The following PACRG variants were observed in gnomAD, a reference collection of about 807,000 sequenced individuals.
PACRG encodes parkin coregulated.
A neutral mutation model predicts 29.7 loss-of-function variants in PACRG; 29 were observed. The observed-to-expected ratio is 0.98, with a 90% CI of 0.73 to 1.33. PACRG has a LOEUF of 1.33. PACRG is among the 40% of genes most tolerant of loss of function. The pLI is 0.00. For missense variants in PACRG, 279 were observed against 316.2 expected, an observed-to-expected ratio of 0.88 and a Z score of 0.89; for synonymous variants, 116 against 118.7, an observed-to-expected ratio of 0.98 and a Z score of 0.15.
chr6:163,152,139 A>G (rs1237494205), intron 4 of PACRG, among the ~76,000 whole-genome samples: 3 of 152,212 alleles, frequency 2.0e-5, no homozygotes, highest in Non-Finnish European at 2.9e-5. Context: ...GCAATTGCCA[A>G]TTATTTTTCT....
chr6:163,091,729 T>C (rs1814125996), intron 4 of PACRG, among the ~76,000 whole-genome samples: 1 of 152,110 alleles, frequency 6.6e-6, no homozygotes, highest in Non-Finnish European at 1.5e-5. Flanking sequence ...TCCAATTCTT[T>C]CAGAAAAAAA....
In PACRG at chr6:163,291,410, T is replaced by C. The variant is rs78193728; in HGVS notation, c.614-23417T>C. Among the ~76,000 whole-genome samples, 983 of 124,122 alleles carry C rather than the reference T, an allele frequency of 7.9e-3. 21 individuals carry two copies. Among genetic ancestry groups the C allele is most frequent in the African/African-American group, 0.031 (904 of 29,416 alleles). 81.4% of individuals were successfully genotyped at this position (124,122 alleles called of 152,430 possible). A position where few individuals can be genotyped will look rare whatever the true frequency, so the allele number is the denominator to read the frequency against. ...TCACCCTGCAAGATGACCCTCTGCC[T>C]GCCCGAGCTGGCCTGCGGGTCACCC... On this transcript the variant is annotated intron_variant, in intron 4 of 4. Coordinates refer to ENST00000366888, the MANE Select transcript of PACRG (RefSeq NM_001080379.2).
At position 163,315,210 on chromosome 6, in the gene PACRG, G is replaced by T; in HGVS notation, c.*223G>T. The T allele has an allele frequency of 2.3e-6, 1 of 434,840 alleles. No homozygotes were observed. The highest frequency in any genetic ancestry group is 4.0e-6 in the Non-Finnish European group (1 of 252,040). The allele number at this position is 434,840 out of a possible 1,614,324, so 26.9% of individuals were successfully genotyped here. The stretch of plus-strand genomic sequence containing the variant: ...TTACAATAGTGTACTGTGCTTATTT[G>T]TTCTAAGAGAAGAATTGCTTCTTTA... On this transcript the variant is annotated 3_prime_UTR_variant, in exon 5 of 5. Transcript: ENST00000366888.
chr6:162,913,764 A>G (rs57697232), intron 2 of PACRG, among the ~76,000 whole-genome samples: 3,832 of 152,262 alleles, frequency 0.025, 141 homozygotes, highest in African/African-American at 0.088. Context: ...TCTAATGGAT[A>G]CACAGTGACT....
chr6:162,945,149 C>A (rs563857785), intron 2 of PACRG, among the ~76,000 whole-genome samples: 7 of 152,038 alleles, frequency 4.6e-5, no homozygotes, highest in Non-Finnish European at 1.0e-4. Context: ...CAGCAATAAG[C>A]CTTCACATAT....
chr6:162,777,117 C>G lies in PACRG; in HGVS notation c.157-37030C>G, dbSNP rs188675420. 1.3e-5 allele frequency among the ~76,000 whole-genome samples: 2 copies of G among 152,216 alleles called. No homozygotes were observed. The highest frequency in any genetic ancestry group is 2.9e-5 in the Non-Finnish European group (2 of 68,044). ...AGTTGAAAAATAGCTAGCATTAAAT[C>G]AACCAACTATTTCTCTGGGTGAATG... On this transcript the variant is annotated intron_variant, in intron 1 of 4. Coordinates refer to ENST00000366888, the MANE Select transcript of PACRG (RefSeq NM_001080379.2). This position sits in a 1 kb window ranked among gnomAD's most constrained non-coding sequence, Gnocchi z 4.0.
At chr6:163,158,420 G>C (rs1778407709) in intron 4 of PACRG, among the ~76,000 whole-genome samples, 1 of 152,174 alleles carries the variant, frequency 6.6e-6, no homozygotes, top group African/African-American at 2.4e-5. Context: ...GGAATGAGCT[G>C]TTTGAGCTGA....
intron 2 of PACRG, among the ~76,000 whole-genome samples, chr6:162,881,347 A>G (rs1793823209): frequency 6.6e-6 from 1 of 151,680 alleles, no homozygotes; most frequent in Admixed American, 6.6e-5. Context: ...TCCTACATGC[A>G]CCCACGCAAA....
chr6:163,200,170 A>G (rs1780637575), intron 4 of PACRG, among the ~76,000 whole-genome samples: 1 of 152,212 alleles, frequency 6.6e-6, no homozygotes, highest in Non-Finnish European at 1.5e-5. Flanking sequence ...AGTCCTCTTT[A>G]TGTACTGCCA....
At chr6:162,768,835 C>G (rs1449091327) in intron 1 of PACRG, among the ~76,000 whole-genome samples, 5 of 152,144 alleles carry the variant, frequency 3.3e-5, no homozygotes, top group Admixed American at 3.3e-4. Context: ...TGACAATGCT[C>G]ACTTTAAGTC....
At chr6:163,027,934 C>A (rs1807296882) in intron 2 of PACRG, among the ~76,000 whole-genome samples, 1 of 152,192 alleles carries the variant, frequency 6.6e-6, no homozygotes, top group African/African-American at 2.4e-5. Context: ...TGTCCCCCAC[C>A]AACCACCTTC....
At chr6:162,843,682 T>C in intron 2 of PACRG, among the ~76,000 whole-genome samples, 3 of 137,096 alleles carry the variant, frequency 2.2e-5, no homozygotes, top group African/African-American at 8.1e-5. Flanking sequence ...CTCTGCGTTT[T>C]AGAGTTTCCC....
chr6:162,885,826 T>C (rs1198217642), intron 2 of PACRG, among the ~76,000 whole-genome samples: 1 of 152,186 alleles, frequency 6.6e-6, no homozygotes, highest in African/African-American at 2.4e-5. Context: ...TGCTGAATCA[T>C]TTGAGAGCAA....
intron 1 of PACRG, among the ~76,000 whole-genome samples, chr6:162,730,662 T>C (rs1779695612): frequency 6.6e-6 from 1 of 152,144 alleles, no homozygotes; most frequent in South Asian, 2.1e-4. Context: ...GAAAAAATAA[T>C]GATAAATGTA....
At chr6:162,829,093 T>C (rs2128389534) in intron 2 of PACRG, among the ~76,000 whole-genome samples, 1 of 152,304 alleles carries the variant, frequency 6.6e-6, no homozygotes, top group South Asian at 2.1e-4. Context: ...GCCAAGCAAA[T>C]CCATTTTTTG....
At position 162,879,052 on chromosome 6, in the gene PACRG, C is replaced by T. The variant is rs538923464; in HGVS notation, c.291+64771C>T. Among the ~76,000 whole-genome samples, 9 of 152,252 alleles carry T rather than the reference C, an allele frequency of 5.9e-5. No individual in the cohort carries two copies. The East Asian group carries it at 1.2e-3, about 20-fold the overall frequency. On this transcript the variant is annotated intron_variant, in intron 2 of 4. Transcript: ENST00000366888. ...GGAGGAATCTCATGGTGTTTCAATA[C>T]AGTCTAAATGCCTTCCTTGCCTTTA...
intron 4 of PACRG, chr6:163,112,009 T>C: frequency 1.1e-6 from 1 of 931,890 alleles, no homozygotes; most frequent in Non-Finnish European, 1.3e-6. Flanking sequence ...GGTTTTCACT[T>C]GATTTGCTTT....
chr6:163,208,038 C>T (rs185032409), intron 4 of PACRG, among the ~76,000 whole-genome samples: 12 of 152,322 alleles, frequency 7.9e-5, no homozygotes, highest in African/African-American at 2.4e-4. Context: ...GACGGTCGGG[C>T]AATGCTTCCT....
chr6:163,045,597 A>AGAAAAC (rs1231107711), intron 2 of PACRG, among the ~76,000 whole-genome samples: 16 of 148,524 alleles, frequency 1.1e-4, no homozygotes, highest in African/African-American at 3.2e-4. Context: ...TGCTGGGATT[A>AGAAAAC]CAGGTGTGAG....
Sources: allele counts gnomAD v4.1 joint callset (sites outside exome capture counted in the v4.1 genomes callset), GRCh38; gene constraint gnomAD v4.1.1; non-coding constraint Gnocchi (gnomAD v3.1); transcripts MANE v1.5; gene names NCBI Gene and HGNC (gene_info 2026-07-23, HGNC 2026-07-21).